Variants in ADORA2B observed in about 807,000 individuals in gnomAD.
ADORA2B encodes adenosine receptor A2b.
A neutral mutation model predicts 20.8 loss-of-function variants in ADORA2B; 18 were observed. The ratio of observed to expected loss-of-function variants is 0.87; its 90% CI spans 0.60 to 1.29. ADORA2B has a LOEUF of 1.29. Ranked by LOEUF, ADORA2B falls within the 50% of genes most tolerant of loss-of-function variation. The pLI is 0.00. For synonymous variants in ADORA2B, 179 were observed against 178.3 expected, an observed-to-expected ratio of 1.00 and a Z score of -0.03; for missense variants, 441 against 422.7, an observed-to-expected ratio of 1.04 and a Z score of -0.38.
chr17:15,909,836 A>G, the ADORA2B span, among the ~76,000 whole-genome samples: 1 of 152,218 alleles, frequency 6.6e-6, no homozygotes. Flanking sequence ...TGGGCAGTGA[A>G]GTCCTGTTGT....
At chr17:15,875,839 C>T in the ADORA2B span, among the ~76,000 whole-genome samples, 3 of 152,222 alleles carry the variant, frequency 2.0e-5, no homozygotes, top group Non-Finnish European at 4.4e-5. Context: ...CCTCGGCCTC[C>T]CAAAGTGCTG....
chr17:15,945,658 T>A, intron 1 of ADORA2B, 75 bp downstream of exon 1: 1 of 1,332,516 alleles, frequency 7.5e-7, no homozygotes, highest in South Asian at 1.5e-5. Context: ...CAGGCCGGGG[T>A]TCCTCCCTCG....
chr17:15,947,319 C>G (rs1969819477), intron 1 of ADORA2B, among the ~76,000 whole-genome samples: 1 of 152,218 alleles, frequency 6.6e-6, no homozygotes. Flanking sequence ...TTGGACTTGC[C>G]CTGGCAGAGA....
At chr17:15,852,850 G>A in the ADORA2B span, among the ~76,000 whole-genome samples, 1,163 of 152,216 alleles carry the variant, frequency 7.6e-3, 7 homozygotes, top group Admixed American at 0.022. Flanking sequence ...ATAGAGAAAA[G>A]GACATAAGAG....
At chr17:15,966,528 T>C (rs1265743542) in intron 1 of ADORA2B, among the ~76,000 whole-genome samples, 5 of 152,236 alleles carry the variant, frequency 3.3e-5, no homozygotes, top group Admixed American at 2.0e-4. Flanking sequence ...GCCCCAGAAA[T>C]AGGCCAGTGC....
chr17:15,936,188 A>T, the ADORA2B span, among the ~76,000 whole-genome samples: 1 of 151,020 alleles, frequency 6.6e-6, no homozygotes, highest in Admixed American at 6.6e-5. Context: ...CTGGCCTGTT[A>T]TTGTACTTTT....
At chr17:15,870,385 T>C in the ADORA2B span, among the ~76,000 whole-genome samples, 1 of 151,938 alleles carries the variant, frequency 6.6e-6, no homozygotes. Context: ...ACACCAGTAA[T>C]CCCAGCACTT....
chr17:15,948,152 G>T (rs919444019), intron 1 of ADORA2B, among the ~76,000 whole-genome samples: 3 of 151,502 alleles, frequency 2.0e-5, no homozygotes, highest in African/African-American at 4.8e-5. Context: ...AGTTCCTCCC[G>T]GTTCGAGGGC....
At chr17:15,871,204 A>AT in the ADORA2B span, among the ~76,000 whole-genome samples, 1 of 152,182 alleles carries the variant, frequency 6.6e-6, no homozygotes, top group South Asian at 2.1e-4. Context: ...CTGAACAAAA[A>AT]TATCAAACAG....
At chr17:15,961,574 A>G (rs1020739105) in intron 1 of ADORA2B, among the ~76,000 whole-genome samples, 3 of 152,220 alleles carry the variant, frequency 2.0e-5, no homozygotes, top group African/African-American at 7.2e-5. Flanking sequence ...AGTTACTACT[A>G]TTGTCTTAGT....
intron 1 of ADORA2B, among the ~76,000 whole-genome samples, chr17:15,955,570 C>T (rs1209416573): frequency 1.3e-5 from 2 of 151,888 alleles, no homozygotes; most frequent in Non-Finnish European, 2.9e-5. Flanking sequence ...CCAAGTCCGG[C>T]TGTATTTTGT....
chr17:15,874,609 T>C, the ADORA2B span, among the ~76,000 whole-genome samples: 1 of 152,008 alleles, frequency 6.6e-6, no homozygotes, highest in Admixed American at 6.6e-5. Flanking sequence ...GGAGAATGAC[T>C]TGAGCCCAAG....
chr17:15,861,499 G>A, the ADORA2B span, among the ~76,000 whole-genome samples: 1 of 152,318 alleles, frequency 6.6e-6, no homozygotes, highest in Admixed American at 6.5e-5. Context: ...GCACTGAGGA[G>A]CCACCAAGTT....
chr17:15,909,442 G>A, the ADORA2B span, among the ~76,000 whole-genome samples: 1 of 152,212 alleles, frequency 6.6e-6, no homozygotes, highest in East Asian at 1.9e-4. Flanking sequence ...CGAAAGGAAA[G>A]CCTGTGATAA....
At chr17:15,903,517 C>T in the ADORA2B span, among the ~76,000 whole-genome samples, 1 of 152,146 alleles carries the variant, frequency 6.6e-6, no homozygotes, top group Non-Finnish European at 1.5e-5. Flanking sequence ...GAATGCTACC[C>T]AGAGACCCTC....
chr17:15,852,098 A>G, the ADORA2B span, among the ~76,000 whole-genome samples: 1 of 152,150 alleles, frequency 6.6e-6, no homozygotes, highest in East Asian at 1.9e-4. Context: ...TCTTTTTCCT[A>G]TTTGTAAGAA....
At chr17:15,886,985 C>T in the ADORA2B span, among the ~76,000 whole-genome samples, 3 of 130,824 alleles carry the variant, frequency 2.3e-5, 1 homozygote, top group African/African-American at 9.7e-5. Context: ...TGCAAGGCAA[C>T]CAGACCCTGT....
At chr17:15,860,551 A>T in the ADORA2B span, among the ~76,000 whole-genome samples, 1 of 151,900 alleles carries the variant, frequency 6.6e-6, no homozygotes, top group African/African-American at 2.4e-5. Flanking sequence ...GGGCAATTTC[A>T]TAAGGTGCAT....
At chr17:15,900,041 A>G in the ADORA2B span, among the ~76,000 whole-genome samples, 2 of 151,976 alleles carry the variant, frequency 1.3e-5, no homozygotes, top group Non-Finnish European at 2.9e-5. Context: ...CATGTTGGCC[A>G]GGGTGGTCTC....
Sources: allele counts gnomAD v4.1 joint callset (sites outside exome capture counted in the v4.1 genomes callset), GRCh38; gene constraint gnomAD v4.1.1; transcripts MANE v1.5; gene names NCBI Gene and HGNC (gene_info 2026-07-23, HGNC 2026-07-21).